Variants in FMN1 observed in about 807,000 individuals in gnomAD.
The protein encoded by FMN1 is formin-1.
FMN1 carries 110 observed loss-of-function variants against 132.4 expected under a neutral mutation model. The ratio of observed to expected loss-of-function variants is 0.83; its 90% CI spans 0.71 to 0.97. The LOEUF (loss-of-function observed/expected upper bound fraction) is 0.97, where lower values mean the gene tolerates loss of function less well. Ranked by LOEUF, FMN1 falls within the 50% of genes least tolerant of loss-of-function variation. The pLI is 0.00. For synonymous variants in FMN1, 722 were observed against 651.7 expected, an observed-to-expected ratio of 1.11 and a Z score of -1.64; for missense variants, 1,792 against 1,705.3, an observed-to-expected ratio of 1.05 and a Z score of -0.90.
At chr15:32,900,568 T>C (rs997658386) in intron 13 of FMN1, among the ~76,000 whole-genome samples, 5 of 152,228 alleles carry the variant, frequency 3.3e-5, no homozygotes, top group African/African-American at 1.2e-4. Context: ...GCAGAGCAGA[T>C]ACAGAAGAAG....
At chr15:33,150,695 T>A in intron 4 of FMN1, 1 of 985,528 alleles carries the variant, frequency 1.0e-6, no homozygotes, top group Non-Finnish European at 1.2e-6. Context: ...CAGATCTGAT[T>A]ACTTTTGCCA....
chr15:33,121,101 T>C (rs946662553), intron 4 of FMN1, among the ~76,000 whole-genome samples: 1 of 148,838 alleles, frequency 6.7e-6, no homozygotes, highest in Non-Finnish European at 1.5e-5. Context: ...GGCTAGATGA[T>C]GTTGTAACAA....
intron 12 of FMN1, among the ~76,000 whole-genome samples, chr15:32,903,384 A>G (rs2060342985): frequency 6.6e-6 from 1 of 152,244 alleles, no homozygotes; most frequent in Non-Finnish European, 1.5e-5. Flanking sequence ...ATTTATCATG[A>G]CTGAAATCAG....
At chr15:33,115,947 C>T (rs186165102) in intron 4 of FMN1, among the ~76,000 whole-genome samples, 3 of 152,168 alleles carry the variant, frequency 2.0e-5, no homozygotes, top group Admixed American at 2.0e-4. Context: ...CTCTCACACA[C>T]CTGCTTGCAA....
chr15:33,151,480 C>A, intron 4 of FMN1: 1 of 1,214,252 alleles, frequency 8.2e-7, no homozygotes, highest in Non-Finnish European at 1.1e-6. Context: ...CACGGTCAGT[C>A]TCCAACAGAA....
chr15:33,032,843 G>T (rs2035999406), intron 6 of FMN1, among the ~76,000 whole-genome samples: 1 of 151,444 alleles, frequency 6.6e-6, no homozygotes, highest in Non-Finnish European at 1.5e-5. Context: ...TGGGACCTGG[G>T]GGGGTTATTT....
At chr15:33,019,003 G>A (rs149102797) in intron 6 of FMN1, among the ~76,000 whole-genome samples, 2 of 152,202 alleles carry the variant, frequency 1.3e-5, no homozygotes, top group African/African-American at 4.8e-5. Context: ...TTATTGCAGA[G>A]TTAAAGAACA....
intron 16 of FMN1, among the ~76,000 whole-genome samples, chr15:32,879,723 T>C (rs79064792): frequency 0.016 from 2,488 of 152,290 alleles, 76 homozygotes; most frequent in African/African-American, 0.057. Context: ...GTGCATGGTT[T>C]ATCATGTGAT....
chr15:33,065,386 A>G (rs2037677766), intron 5 of FMN1, among the ~76,000 whole-genome samples: 1 of 152,236 alleles, frequency 6.6e-6, no homozygotes, highest in Admixed American at 6.5e-5. Flanking sequence ...ACCTGAAGGT[A>G]CAGACATAAA....
intron 6 of FMN1, among the ~76,000 whole-genome samples, chr15:33,048,438 A>G (rs2036792099): frequency 6.6e-6 from 1 of 151,974 alleles, no homozygotes; most frequent in African/African-American, 2.4e-5. Flanking sequence ...CATGTTGTAG[A>G]TGGTCTTTGT....
At chr15:32,825,144 C>T (rs891852182) in intron 17 of FMN1, among the ~76,000 whole-genome samples, 1 of 152,236 alleles carries the variant, frequency 6.6e-6, no homozygotes, top group East Asian at 1.9e-4. Flanking sequence ...GTCCAAGATG[C>T]TCATTTTTCA....
chr15:33,129,816 A>G (rs1204995795), intron 4 of FMN1, among the ~76,000 whole-genome samples: 3 of 143,186 alleles, frequency 2.1e-5, no homozygotes, highest in Non-Finnish European at 3.0e-5. Flanking sequence ...TTTTTGAGAC[A>G]GAGTCTCGTT....
At chr15:33,024,095 C>T (rs1399882629) in intron 6 of FMN1, among the ~76,000 whole-genome samples, 1 of 151,836 alleles carries the variant, frequency 6.6e-6, no homozygotes, top group African/African-American at 2.4e-5. Context: ...AACAAAAGGA[C>T]AGTAAATTTA....
At chr15:32,831,647 T>C (rs1487982054) in intron 17 of FMN1, among the ~76,000 whole-genome samples, 3 of 151,830 alleles carry the variant, frequency 2.0e-5, no homozygotes, top group Non-Finnish European at 4.4e-5. Flanking sequence ...TTTGTGGGAA[T>C]AGTAAGCTTG....
intron 4 of FMN1, among the ~76,000 whole-genome samples, chr15:33,142,639 T>C (rs1305223561): frequency 1.3e-5 from 2 of 152,240 alleles, no homozygotes; most frequent in African/African-American, 4.8e-5. Flanking sequence ...ATTAATATAA[T>C]GACTTACAGT....
intron 6 of FMN1, among the ~76,000 whole-genome samples, chr15:33,056,829 G>T (rs61301004): frequency 1.3e-5 from 2 of 152,276 alleles, no homozygotes; most frequent in Non-Finnish European, 2.9e-5. Flanking sequence ...CAAGCATAAC[G>T]TTAACAGAAA....
At chr15:32,865,691 C>T (rs890576092) in intron 16 of FMN1, among the ~76,000 whole-genome samples, 1 of 151,878 alleles carries the variant, frequency 6.6e-6, no homozygotes, top group African/African-American at 2.4e-5. Flanking sequence ...ACAAAATTAG[C>T]CAGGCGTGGT....
intron 6 of FMN1, among the ~76,000 whole-genome samples, chr15:33,044,973 C>T (rs1338679994): frequency 6.6e-6 from 1 of 152,214 alleles, no homozygotes; most frequent in Admixed American, 6.5e-5. Flanking sequence ...GAAACATGCC[C>T]CTTGCTTGCC....
intron 3 of FMN1, among the ~76,000 whole-genome samples, chr15:33,156,357 T>C (rs1279494074): frequency 6.9e-6 from 1 of 145,910 alleles, no homozygotes; most frequent in African/African-American, 2.5e-5. Context: ...CATGGCTCAC[T>C]GCCGTCTCAA....
Sources: gnomAD v4.1 joint callset for allele counts (sites outside exome capture counted in the v4.1 genomes callset) on GRCh38, gnomAD v4.1.1 for gene constraint, MANE v1.5 for transcripts, NCBI Gene and HGNC (gene_info 2026-07-23, HGNC 2026-07-21) for gene names.